IGSF11: variants seen among roughly 807,000 people sequenced by gnomAD.
IGSF11 encodes the protein immunoglobulin superfamily member 11.
A neutral mutation model predicts 41.0 loss-of-function variants in IGSF11; 22 were observed. That is an observed-to-expected ratio of 0.54 (90% CI 0.38 to 0.77). IGSF11 has a LOEUF of 0.77. Ranked by LOEUF, IGSF11 falls within the 30% of genes least tolerant of loss-of-function variation. The probability of loss-of-function intolerance (pLI) is 0.00; values close to 1 mark genes in which losing one functional copy is unlikely to be tolerated. For missense variants in IGSF11, 444 were observed against 530.8 expected (o/e 0.84, Z 1.61); for synonymous variants, 219 against 201.3 (o/e 1.09, Z -0.74).
chr3:119,120,266 A>T (rs2077314615), intron 1 of IGSF11, among the ~76,000 whole-genome samples: 1 of 152,244 alleles, frequency 6.6e-6, no homozygotes, highest in Non-Finnish European at 1.5e-5. Context: ...AGGGCTTAAA[A>T]ACAAAAGCAA....
At chr3:119,045,910 C>G (rs1387746999) in intron 1 of IGSF11, among the ~76,000 whole-genome samples, 3 of 151,960 alleles carry the variant, frequency 2.0e-5, no homozygotes, top group Non-Finnish European at 4.4e-5. Context: ...CCAGGGTACT[C>G]CAACAGACCT....
intron 1 of IGSF11, among the ~76,000 whole-genome samples, chr3:118,932,146 G>A (rs558772308): frequency 6.6e-6 from 1 of 152,268 alleles, no homozygotes; most frequent in East Asian, 1.9e-4. Flanking sequence ...CAACTCATGG[G>A]AAGTCAAAAT....
chr3:119,062,543 C>A (rs530419197), intron 1 of IGSF11, among the ~76,000 whole-genome samples: 4 of 152,174 alleles, frequency 2.6e-5, no homozygotes, highest in Non-Finnish European at 5.9e-5. Flanking sequence ...AATACATAGT[C>A]ATATTATTGC....
chr3:119,093,472 T>C (rs1012504665), intron 1 of IGSF11, among the ~76,000 whole-genome samples: 1 of 152,146 alleles, frequency 6.6e-6, no homozygotes, highest in Non-Finnish European at 1.5e-5. Flanking sequence ...GAAAAATTTA[T>C]GTCAGTAAAT....
At chr3:119,048,103 C>A (rs868456110) in intron 1 of IGSF11, among the ~76,000 whole-genome samples, 1 of 151,512 alleles carries the variant, frequency 6.6e-6, no homozygotes, top group Admixed American at 6.6e-5. Context: ...AAAGCAAGAG[C>A]AAACACATTC....
intron 1 of IGSF11, among the ~76,000 whole-genome samples, chr3:119,042,251 CAG>C (rs1941144912): frequency 6.6e-6 from 1 of 152,204 alleles, no homozygotes; most frequent in South Asian, 2.1e-4. Flanking sequence ...CCAGCAGAAT[CAG>C]AGAGAGGCCA....
At chr3:119,039,051 C>T (rs565839145), upstream of IGSF11, among the ~76,000 whole-genome samples, 14 of 152,264 alleles carry the variant, frequency 9.2e-5, no homozygotes, top group South Asian at 2.1e-4. Context: ...CATGGTGATC[C>T]GATGAAGTCA....
chr3:119,050,761 G>T (rs978348947), intron 1 of IGSF11, among the ~76,000 whole-genome samples: 3 of 151,144 alleles, frequency 2.0e-5, no homozygotes, highest in African/African-American at 7.3e-5. Context: ...GTCCAACAAT[G>T]ATAGACTGGA....
chr3:118,924,499 G>A (rs1036210526), intron 4 of IGSF11, among the ~76,000 whole-genome samples: 2 of 152,058 alleles, frequency 1.3e-5, no homozygotes, highest in Admixed American at 6.6e-5. Context: ...ATGATTAATA[G>A]ATATGGTTAT....
rs572060563 is a variant in IGSF11, at chr3:118,916,882, A to C, written c.580+9219T>G. Among the ~76,000 whole-genome samples, 522 of 152,076 alleles carry C rather than the reference A, an allele frequency of 3.4e-3. 3 individuals carry two copies. Among genetic ancestry groups the C allele is most frequent in the African/African-American group, 0.011 (462 of 41,422 alleles). Reference sequence around the variant, plus strand: ...GTAAAGCTCTCCTCAGCAAATGTGAAAGAACAGAAATTATAACAAACTGTC... The same window carrying C: ...GTAAAGCTCTCCTCAGCAAATGTGACAGAACAGAAATTATAACAAACTGTC... On this transcript the variant is annotated intron_variant, in intron 4 of 6. Coordinates refer to ENST00000393775, the MANE Select transcript of IGSF11 (RefSeq NM_001015887.3).
intron 1 of IGSF11, among the ~76,000 whole-genome samples, chr3:119,138,211 C>T (rs1291367179): frequency 6.6e-6 from 1 of 151,480 alleles, no homozygotes; most frequent in Non-Finnish European, 1.5e-5. Flanking sequence ...CACAATCCCA[C>T]TGTTGGGTAT....
chr3:119,118,724 C>A (rs1175507129), intron 1 of IGSF11, among the ~76,000 whole-genome samples: 1 of 152,170 alleles, frequency 6.6e-6, no homozygotes, highest in South Asian at 2.1e-4. Flanking sequence ...GCAAATTTTC[C>A]AAACTTTTAT....
chr3:119,020,616 C>T (rs975248602), intron 1 of IGSF11, among the ~76,000 whole-genome samples: 1 of 152,214 alleles, frequency 6.6e-6, no homozygotes, highest in African/African-American at 2.4e-5. Flanking sequence ...TGTCATCCTT[C>T]TATCCTCAGA....
chr3:118,955,820 T>C (rs1944913996), intron 1 of IGSF11, among the ~76,000 whole-genome samples: 1 of 152,102 alleles, frequency 6.6e-6, no homozygotes, highest in Non-Finnish European at 1.5e-5. Context: ...ACCAGCTGCA[T>C]TAGCTCCTAA....
chr3:118,926,339 T>C (rs1475644407), intron 3 of IGSF11, 83 bp from the exon 4 acceptor site: 9 of 1,145,708 alleles, frequency 7.9e-6, no homozygotes, highest in Admixed American at 2.4e-5. Context: ...ATTCAGTACA[T>C]TGGACCCTTA....
rs759268305 is a variant in IGSF11 at position 119,034,575 on chromosome 3, G to A, written c.8C>T (p.Ser3Phe). The change falls in exon 1 of 7, where the codon TCT becomes TTT. Residue 3 changes from serine to phenylalanine, a missense_variant. Ser to Phe is a radical substitution (Grantham distance 155). This residue lies in a region of IGSF11 where 28 missense variants were observed against 21.1 expected (regional missense o/e 1.33). Coordinates refer to ENST00000393775, the MANE Select transcript of IGSF11 (RefSeq NM_001015887.3). Reference protein sequence around the residue: MTSQRSPLAPLLL... With the variant: MTFQRSPLAPLLL... ...CAAAGGCGCCAGAGGGGAACGCTGA[G>A]AAGTCATCCCGGGGCCGCAGGGAGC... 3.1e-6 allele frequency: 5 copies of A among 1,591,332 alleles called. No homozygotes were observed. The East Asian group carries it at 9.4e-5, about 30-fold the overall frequency.
At position 119,080,044 on chromosome 3, in the gene IGSF11, TGGAA is replaced by T. The variant is rs1477283093; in HGVS notation, c.49+25096_49+25099del. Among the ~76,000 whole-genome samples the T allele has an allele frequency of 2.0e-5, 3 of 152,150 alleles. No homozygotes were observed. In the East Asian group the frequency reaches 5.8e-4, roughly 29 times the overall value. On this transcript the variant is annotated intron_variant, in intron 1 of 6. Coordinates refer to the IGSF11 transcript ENST00000354673. ...ACCACCTTGAACCTAAAATAAAAGT[TGGAA>T]GGAAATAAAAAAGGGTTAGGTTAAA...
intron 1 of IGSF11, among the ~76,000 whole-genome samples, chr3:118,991,900 G>A (rs1433496393): frequency 4.6e-5 from 7 of 152,192 alleles, no homozygotes; most frequent in Non-Finnish European, 2.9e-5. Context: ...GGTAAGCAAG[G>A]AGAAGCTCTC....
chr3:118,980,425 A>G (rs955682552), intron 1 of IGSF11, among the ~76,000 whole-genome samples: 4 of 152,232 alleles, frequency 2.6e-5, no homozygotes, highest in African/African-American at 9.6e-5. Context: ...CCAGGCACAA[A>G]AAGTATTATG....
Sources: gnomAD v4.1 joint callset for allele counts (sites outside exome capture counted in the v4.1 genomes callset) on GRCh38, gnomAD v4.1.1 for gene constraint, gnomAD v4.1.1 regional missense constraint, MANE v1.5 for transcripts, NCBI Gene and HGNC (gene_info 2026-07-23, HGNC 2026-07-21) for gene names.